Variants in IGFBP7 observed in about 807,000 individuals in gnomAD.
IGFBP7 encodes insulin like growth factor binding protein 7.
A neutral mutation model predicts 29.4 loss-of-function variants in IGFBP7; 31 were observed. That is an observed-to-expected ratio of 1.05 (90% confidence interval 0.79 to 1.42). The LOEUF is 1.42. Ranked by LOEUF, IGFBP7 falls within the 40% of genes most tolerant of loss-of-function variation. The pLI, the probability that IGFBP7 is intolerant of heterozygous loss-of-function variation, is 0.00. For synonymous variants in IGFBP7, 172 were observed against 174.9 expected (o/e 0.98, Z 0.13); for missense variants, 393 against 395.5 (o/e 0.99, Z 0.05).
At chr4:57,067,454 C>G (rs1434129918) in intron 1 of IGFBP7, among the ~76,000 whole-genome samples, 2 of 152,152 alleles carry the variant, frequency 1.3e-5, no homozygotes, top group Non-Finnish European at 2.9e-5. Flanking sequence ...CCCAGAAGGG[C>G]AAATATGACA....
At chr4:57,078,153 A>C (rs935256537) in intron 1 of IGFBP7, among the ~76,000 whole-genome samples, 1 of 152,068 alleles carries the variant, frequency 6.6e-6, no homozygotes, top group African/African-American at 2.4e-5. Flanking sequence ...CGGTAACAAA[A>C]TCAACAGCAA....
chr4:57,034,912 C>G lies in IGFBP7; in HGVS notation c.586-1601G>C, dbSNP rs569799251. Among the ~76,000 whole-genome samples the G allele has an allele frequency of 2.0e-5, 3 of 152,238 alleles. No individual in the cohort carries two copies. The South Asian group carries it at 6.2e-4, about 32-fold the overall frequency. ...TGAAGACAAACATACTCAATAGGTA[C>G]CTTTTCCCTTAGTTTCCCAAGTAGC... On this transcript the variant is annotated intron_variant, in intron 2 of 4. Coordinates refer to ENST00000295666, the MANE Select transcript of IGFBP7 (RefSeq NM_001553.3).
At chr4:57,062,185 C>T (rs112250016) in intron 1 of IGFBP7, among the ~76,000 whole-genome samples, 24 of 152,070 alleles carry the variant, frequency 1.6e-4, no homozygotes, top group African/African-American at 4.8e-4. Context: ...CTACATAATC[C>T]GTATGGCTGG....
intron 2 of IGFBP7, among the ~76,000 whole-genome samples, chr4:57,035,608 G>A (rs55755514): frequency 0.13 from 19,365 of 152,106 alleles, 1,572 homozygotes; most frequent in East Asian, 0.39. Flanking sequence ...TTACAGGCAT[G>A]TGCCACCACG....
intron 1 of IGFBP7, among the ~76,000 whole-genome samples, chr4:57,086,680 T>C (rs556147171): frequency 1.3e-4 from 20 of 152,306 alleles, no homozygotes; most frequent in African/African-American, 4.8e-4. Flanking sequence ...ACGTTTTTGT[T>C]TTCTAATTTT....
intron 1 of IGFBP7, among the ~76,000 whole-genome samples, chr4:57,064,771 T>C (rs1282150884): frequency 6.6e-6 from 1 of 152,208 alleles, no homozygotes; most frequent in African/African-American, 2.4e-5. Flanking sequence ...GGGTTAAATA[T>C]TTGCCTCAGC....
chr4:57,048,772 G>A (rs1724428824), intron 1 of IGFBP7, among the ~76,000 whole-genome samples: 1 of 152,250 alleles, frequency 6.6e-6, no homozygotes, highest in South Asian at 2.1e-4. Context: ...GACCTGAGAT[G>A]TCCTCATGAT....
intron 1 of IGFBP7, among the ~76,000 whole-genome samples, chr4:57,059,727 A>G (rs1286305044): frequency 1.3e-5 from 2 of 152,180 alleles, no homozygotes; most frequent in Non-Finnish European, 2.9e-5. Flanking sequence ...AAACCTGCAC[A>G]TGTACCCCCA....
chr4:57,091,347 T>G (rs942456849), intron 1 of IGFBP7, among the ~76,000 whole-genome samples: 2 of 152,226 alleles, frequency 1.3e-5, no homozygotes, highest in Non-Finnish European at 2.9e-5. Context: ...TAACTGCTTC[T>G]GACACTCAAT....
Position 57,109,999 on chromosome 4 carries a change from G to A in IGFBP7, c.353C>T (p.Pro118Leu). ...SGVCVCKSRY[P>L]VCGSDGTTYP... is the part of the protein sequence containing the mutation. ...GGTGGTGCCGTCGCTGCCGCACACC[G>A]GGTAGCGGCTCTTGCACACGCACAC... The change falls in exon 1 of 5, where the codon CCG (proline) becomes CTG (leucine). Residue 118 changes from proline (P) to leucine (L), a missense_variant. Physicochemically the swap from Pro to Leu is moderately conservative, Grantham distance 98 (BLOSUM62 -3). Transcript: ENST00000295666. 1.9e-6 allele frequency: 3 copies of A among 1,546,014 alleles called. No individual in the cohort carries two copies. The highest frequency in any genetic ancestry group is 2.6e-6 in the Non-Finnish European group (3 of 1,151,608).
At chr4:57,034,728 A>G (rs1340728427) in intron 2 of IGFBP7, among the ~76,000 whole-genome samples, 1 of 152,158 alleles carries the variant, frequency 6.6e-6, no homozygotes, top group Non-Finnish European at 1.5e-5. Context: ...ACTGGGATTC[A>G]GCAAACCACA....
intron 1 of IGFBP7, among the ~76,000 whole-genome samples, chr4:57,100,936 A>G (rs1725883653): frequency 6.6e-6 from 1 of 152,206 alleles, no homozygotes; most frequent in Non-Finnish European, 1.5e-5. Flanking sequence ...AATTCCCCTT[A>G]CCTTCCAGGG....
intron 1 of IGFBP7, among the ~76,000 whole-genome samples, chr4:57,043,098 C>T (rs748611449): frequency 3.9e-5 from 6 of 152,176 alleles, no homozygotes; most frequent in Non-Finnish European, 7.3e-5. Flanking sequence ...GATGTGAACA[C>T]CAACTTTTTA....
intron 1 of IGFBP7, among the ~76,000 whole-genome samples, chr4:57,099,577 CAG>C (rs1725842116): frequency 6.6e-6 from 1 of 152,152 alleles, no homozygotes; most frequent in South Asian, 2.1e-4. Flanking sequence ...CTAGCCTACT[CAG>C]AGTTACTAGA....
chr4:57,036,272 G>A (rs1344161465), intron 2 of IGFBP7, among the ~76,000 whole-genome samples: 1 of 152,016 alleles, frequency 6.6e-6, no homozygotes, highest in Non-Finnish European at 1.5e-5. Flanking sequence ...TACAAACCAG[G>A]GCAGTTCACA....
At chr4:57,045,121 G>A (rs1394102107) in intron 1 of IGFBP7, among the ~76,000 whole-genome samples, 1 of 152,162 alleles carries the variant, frequency 6.6e-6, no homozygotes, top group Admixed American at 6.5e-5. Flanking sequence ...CTCTCCCAAT[G>A]CTTGGAATAC....
chr4:57,034,920 C>T (rs1254612304), intron 2 of IGFBP7, among the ~76,000 whole-genome samples: 2 of 152,140 alleles, frequency 1.3e-5, no homozygotes, highest in East Asian at 3.8e-4. Flanking sequence ...TACCTTTTCC[C>T]TTAGTTTCCC....
chr4:57,097,581 A>C (rs992586664), intron 1 of IGFBP7, among the ~76,000 whole-genome samples: 2 of 152,212 alleles, frequency 1.3e-5, no homozygotes, highest in African/African-American at 4.8e-5. Context: ...ATAACAATAA[A>C]CATGGAAACG....
intron 1 of IGFBP7, among the ~76,000 whole-genome samples, chr4:57,105,633 G>C (rs937366719): frequency 1.3e-5 from 2 of 152,174 alleles, no homozygotes; most frequent in Admixed American, 6.5e-5. Context: ...GGGCAGACAG[G>C]TCAAATAACT....
Sources: allele counts gnomAD v4.1 joint callset (sites outside exome capture counted in the v4.1 genomes callset), GRCh38; gene constraint gnomAD v4.1.1; transcripts MANE v1.5; gene names NCBI Gene and HGNC (gene_info 2026-07-23, HGNC 2026-07-21).